Variants in PTPRD observed in about 807,000 individuals in gnomAD.
PTPRD encodes the protein protein tyrosine phosphatase receptor type D.
In PTPRD, 34 loss-of-function variants were observed where a neutral mutation model predicts 214.5. That is an observed-to-expected ratio of 0.16 (90% confidence interval 0.12 to 0.21). The LOEUF is 0.21. Ranked by LOEUF, PTPRD falls within the 10% of genes least tolerant of loss-of-function variation. The pLI, the probability that PTPRD is intolerant of heterozygous loss-of-function variation, is 1.00. For synonymous variants in PTPRD, 1,128 were observed against 845.7 expected, an observed-to-expected ratio of 1.33 and a Z score of -5.79; for missense variants, 2,545 against 2,398.7, an observed-to-expected ratio of 1.06 and a Z score of -1.27.
rs189760006 is a variant in PTPRD at position 9,382,452 on chromosome 9, T to C, written c.-203+14997A>G. Among the ~76,000 whole-genome samples the C allele has an allele frequency of 7.0e-3, 1,060 of 152,206 alleles. 9 individuals are homozygous for C. Among genetic ancestry groups the C allele is most frequent in the Non-Finnish European group, 0.01 (703 of 67,986 alleles). On this transcript the variant is annotated intron_variant, in intron 9 of 45. Coordinates refer to ENST00000381196, the MANE Select transcript of PTPRD (RefSeq NM_002839.4). ...TATGATAAAGGGCTAATATCCAAAATATGTAAGAATCTCCTACAACTAAAT... is the reference window on the plus strand; with the variant it reads ...TATGATAAAGGGCTAATATCCAAAACATGTAAGAATCTCCTACAACTAAAT...
chr9:8,590,903 G>A (rs1594736576), intron 14 of PTPRD, among the ~76,000 whole-genome samples: 1 of 152,124 alleles, frequency 6.6e-6, no homozygotes, highest in African/African-American at 2.4e-5. Context: ...AGTCCCATAT[G>A]AGTTTCACTG....
chr9:8,887,963 A>G (rs536443228), intron 11 of PTPRD, among the ~76,000 whole-genome samples: 1 of 152,208 alleles, frequency 6.6e-6, no homozygotes, highest in Admixed American at 6.5e-5. Context: ...AGTGCATTTA[A>G]CATGAAACAC....
chr9:9,525,003 G>A (rs892615244), intron 8 of PTPRD, among the ~76,000 whole-genome samples: 4 of 152,028 alleles, frequency 2.6e-5, no homozygotes, highest in Admixed American at 1.3e-4. Flanking sequence ...GACTACAGGC[G>A]CCCGCCACCA....
At chr9:8,932,841 TG>T (rs1224275337) in intron 11 of PTPRD, among the ~76,000 whole-genome samples, 4 of 152,064 alleles carry the variant, frequency 2.6e-5, no homozygotes, top group Admixed American at 6.5e-5. Context: ...CTAGACCACT[TG>T]GCTCCCTGGC....
At chr9:9,702,930 A>G (rs535322710) in intron 7 of PTPRD, among the ~76,000 whole-genome samples, 1 of 152,218 alleles carries the variant, frequency 6.6e-6, no homozygotes, top group Non-Finnish European at 1.5e-5. Flanking sequence ...ATGGATCTAT[A>G]TATGAGTCTA....
At chr9:8,454,712 A>G (rs2096111674) in intron 33 of PTPRD, 3 of 1,031,416 alleles carry the variant, frequency 2.9e-6, no homozygotes, top group Non-Finnish European at 4.4e-6. Context: ...GCAAGGACAC[A>G]TAACTGACAT....
intron 33 of PTPRD, among the ~76,000 whole-genome samples, chr9:8,458,176 T>C (rs753582564): frequency 6.6e-6 from 1 of 152,156 alleles, no homozygotes; most frequent in African/African-American, 2.4e-5. Context: ...TACTCTATTT[T>C]AACAGAGTCA....
At chr9:8,776,729 A>G (rs948416749) in intron 11 of PTPRD, among the ~76,000 whole-genome samples, 1 of 151,198 alleles carries the variant, frequency 6.6e-6, no homozygotes, top group African/African-American at 2.4e-5. Context: ...AGAAACAAAG[A>G]CATTTAAATT....
chr9:8,869,673 A>C (rs2098260108), intron 11 of PTPRD, among the ~76,000 whole-genome samples: 1 of 152,010 alleles, frequency 6.6e-6, no homozygotes, highest in African/African-American at 2.4e-5. Flanking sequence ...GCATTTCCTA[A>C]GAAGCTAGCG....
At chr9:8,423,469 C>G (rs893868972) in intron 35 of PTPRD, among the ~76,000 whole-genome samples, 3 of 152,026 alleles carry the variant, frequency 2.0e-5, no homozygotes, top group Non-Finnish European at 4.4e-5. Context: ...AATTAAGTTG[C>G]AGAAACATGA....
intron 2 of PTPRD, among the ~76,000 whole-genome samples, chr9:10,457,125 C>A (rs544614955): frequency 1.3e-5 from 2 of 151,910 alleles, no homozygotes; most frequent in East Asian, 3.9e-4. Context: ...TCAGAAACTT[C>A]CTGACGTGCA....
chr9:10,048,531 A>G (rs2097451490), intron 3 of PTPRD, among the ~76,000 whole-genome samples: 1 of 151,964 alleles, frequency 6.6e-6, no homozygotes, highest in Admixed American at 6.6e-5. Flanking sequence ...GTTTTATTAC[A>G]TATCTTTAAT....
chr9:9,111,172 C>G (rs2099805434), intron 10 of PTPRD, among the ~76,000 whole-genome samples: 1 of 142,994 alleles, frequency 7.0e-6, no homozygotes, highest in Admixed American at 7.3e-5. Flanking sequence ...TGAGGTGAAG[C>G]TGAGTTTCAA....
chr9:8,386,035 A>T (rs555937566), intron 37 of PTPRD, among the ~76,000 whole-genome samples: 1 of 152,192 alleles, frequency 6.6e-6, no homozygotes, highest in East Asian at 1.9e-4. Flanking sequence ...TTGTCACTGT[A>T]AAGCCCCCAA....
chr9:8,823,877 G>C (rs1470465599), intron 11 of PTPRD, among the ~76,000 whole-genome samples: 1 of 152,210 alleles, frequency 6.6e-6, no homozygotes, highest in Non-Finnish European at 1.5e-5. Flanking sequence ...TTTATAGACA[G>C]AGTAGTCCCA....
At chr9:8,470,647 G>C (rs986006574) in intron 31 of PTPRD, among the ~76,000 whole-genome samples, 3 of 152,024 alleles carry the variant, frequency 2.0e-5, no homozygotes, top group East Asian at 1.9e-4. Flanking sequence ...ACTAATGAAG[G>C]GGACCTTGGG....
rs146807692 is a variant in PTPRD at position 8,500,558 on chromosome 9, G to GAAAAAAAAAAAAAAAAAAAAAAAAAA, written c.2128+170_2128+195dup. 4.2e-4 allele frequency among the ~76,000 whole-genome samples: 6 copies of GAAAAAAAAAAAAAAAAAAAAAAAAAA among 14,308 alleles called. 2 individuals are homozygous for GAAAAAAAAAAAAAAAAAAAAAAAAAA. Among genetic ancestry groups the GAAAAAAAAAAAAAAAAAAAAAAAAAA allele is most frequent in the African/African-American group, 1.3e-3 (4 of 3,188 alleles). The allele number at this position is 14,308 out of a possible 152,430, so 9.4% of individuals were successfully genotyped here. On this transcript the variant is annotated intron_variant, in intron 24 of 45. Transcript: ENST00000381196. Reference sequence around the variant, plus strand: ...TTACTGCATTGAGATTGAAAAAAATGAAAAAAAAAAAAAAAAAAAAAAAAA... The same window carrying GAAAAAAAAAAAAAAAAAAAAAAAAAA: ...TTACTGCATTGAGATTGAAAAAAATGAAAAAAAAAAAAAAAAAAAAAAAAAAAAAAAAAAAAAAAAAAAAAAAAAAA...
intron 11 of PTPRD, among the ~76,000 whole-genome samples, chr9:8,830,751 G>A (rs1032546659): frequency 6.6e-6 from 1 of 152,016 alleles, no homozygotes; most frequent in Non-Finnish European, 1.5e-5. Flanking sequence ...TCATTCGCAC[G>A]CAAGGATATT....
intron 11 of PTPRD, among the ~76,000 whole-genome samples, chr9:8,995,784 T>C (rs1033404205): frequency 7.9e-5 from 12 of 152,066 alleles, no homozygotes; most frequent in African/African-American, 2.9e-4. Context: ...GGATACACAA[T>C]ACTAGTTTAT....
Sources: gnomAD v4.1 joint callset for allele counts (sites outside exome capture counted in the v4.1 genomes callset) on GRCh38, gnomAD v4.1.1 for gene constraint, MANE v1.5 for transcripts, NCBI Gene and HGNC (gene_info 2026-07-23, HGNC 2026-07-21) for gene names.